SGCD: variants seen among roughly 807,000 people sequenced by gnomAD.
SGCD encodes sarcoglycan delta.
A neutral mutation model predicts 36.6 loss-of-function variants in SGCD; 18 were observed. That is an observed-to-expected ratio of 0.49 (90% CI 0.34 to 0.73). The LOEUF is 0.73. Ranked by LOEUF, SGCD falls within the 30% of genes least tolerant of loss-of-function variation. The pLI, the probability that SGCD is intolerant of heterozygous loss-of-function variation, is 0.01. For missense variants in SGCD, 387 were observed against 346.7 expected (o/e 1.12, Z -0.92); for synonymous variants, 133 against 130.6 (o/e 1.02, Z -0.12).
rs558073926 is a variant in SGCD at position 155,992,906 on chromosome 5, A to G, written c.-282+122482A>G. Among the ~76,000 whole-genome samples, 23 of 152,300 alleles carry G rather than the reference A, an allele frequency of 1.5e-4. No individual in the cohort carries two copies. The South Asian group carries it at 4.8e-3, about 32-fold the overall frequency. ...GGACTGCTCCTTCTATGGTTAGCAA[A>G]CATAGTGCCTCTTCCATATGCAAAC... On this transcript the variant is annotated intron_variant, in intron 1 of 9. Coordinates refer to the SGCD transcript ENST00000517913.
At chr5:156,632,799 C>T (rs566935417) in intron 6 of SGCD, among the ~76,000 whole-genome samples, 1 of 152,158 alleles carries the variant, frequency 6.6e-6, no homozygotes. Context: ...TACTATGGCA[C>T]GTGTACCTTT....
chr5:156,602,920 G>A (rs1241929706), intron 6 of SGCD, among the ~76,000 whole-genome samples: 1 of 152,078 alleles, frequency 6.6e-6, no homozygotes, highest in African/African-American at 2.4e-5. Flanking sequence ...TTGTATTCTT[G>A]TCTGGTTTTG....
chr5:156,087,640 CA>C (rs146938753), intron 1 of SGCD, among the ~76,000 whole-genome samples: 32,402 of 79,958 alleles, frequency 0.41, 3,215 homozygotes, highest in East Asian at 0.47. Context: ...AACTCCATCT[CA>C]AAAAAAAAAA....
chr5:155,975,251 A>G (rs183772883), intron 1 of SGCD, among the ~76,000 whole-genome samples: 117 of 152,270 alleles, frequency 7.7e-4, no homozygotes, highest in African/African-American at 2.7e-3. Flanking sequence ...TTGAAGGCCT[A>G]TTGGGGGCCT....
chr5:156,333,794 T>C (rs1768190220), intron 2 of SGCD, among the ~76,000 whole-genome samples: 1 of 118,964 alleles, frequency 8.4e-6, no homozygotes. Context: ...TTTTTTTTTT[T>C]TTTTTTTTTT....
At chr5:155,898,712 C>T (rs1189428924) in intron 1 of SGCD, among the ~76,000 whole-genome samples, 1 of 152,160 alleles carries the variant, frequency 6.6e-6, no homozygotes, top group Admixed American at 6.5e-5. Context: ...CCATGCCAGC[C>T]ATCCCCTCAG....
chr5:156,132,733 G>A (rs1426683007), intron 3 of SGCD, among the ~76,000 whole-genome samples: 1 of 152,006 alleles, frequency 6.6e-6, no homozygotes, highest in Non-Finnish European at 1.5e-5. Flanking sequence ...CTCCCAAAGT[G>A]CGGGGATTAC....
chr5:156,059,140 G>T (rs1760138028), intron 1 of SGCD, among the ~76,000 whole-genome samples: 1 of 144,838 alleles, frequency 6.9e-6, no homozygotes, highest in African/African-American at 2.5e-5. Flanking sequence ...TTTGATTTCT[G>T]GGAGTTTTTG....
intron 3 of SGCD, among the ~76,000 whole-genome samples, chr5:156,287,705 A>G (rs1581220241): frequency 6.6e-6 from 1 of 151,624 alleles, no homozygotes; most frequent in Non-Finnish European, 1.5e-5. Context: ...ATATATATTC[A>G]TCGATACACA....
intron 1 of SGCD, among the ~76,000 whole-genome samples, chr5:155,976,312 T>G (rs189295371): frequency 6.6e-6 from 1 of 152,274 alleles, no homozygotes; most frequent in East Asian, 1.9e-4. Context: ...GTTACATTAT[T>G]TGACATATTT....
At chr5:156,737,946 C>T (rs1756460045) in intron 7 of SGCD, among the ~76,000 whole-genome samples, 1 of 152,130 alleles carries the variant, frequency 6.6e-6, no homozygotes, top group Non-Finnish European at 1.5e-5. Context: ...TGCACTGCCC[C>T]ATAGGCTGAA....
intron 3 of SGCD, among the ~76,000 whole-genome samples, chr5:156,430,372 C>G (rs950354856): frequency 8.6e-5 from 13 of 151,474 alleles, no homozygotes; most frequent in Non-Finnish European, 1.8e-4. Context: ...GATTTTTTTT[C>G]TACTATTTTT....
upstream of SGCD, among the ~76,000 whole-genome samples, chr5:155,867,642 A>G (rs903244074): frequency 8.5e-5 from 13 of 152,154 alleles, no homozygotes; most frequent in African/African-American, 3.1e-4. Context: ...GAGAAAGAGG[A>G]ATGATTTAAG....
chr5:156,246,748 C>T (rs909396523), intron 3 of SGCD, among the ~76,000 whole-genome samples: 2 of 152,028 alleles, frequency 1.3e-5, no homozygotes, highest in Non-Finnish European at 2.9e-5. Flanking sequence ...TAGTGAAATG[C>T]CACTGTGTAA....
At chr5:156,435,415 A>G (rs1300530563) in intron 3 of SGCD, among the ~76,000 whole-genome samples, 2 of 152,228 alleles carry the variant, frequency 1.3e-5, no homozygotes, top group Non-Finnish European at 2.9e-5. Context: ...AGAGACATTC[A>G]TCTCAAAAGA....
At chr5:156,295,960 GA>G (rs1338050354) in intron 3 of SGCD, among the ~76,000 whole-genome samples, 2 of 152,288 alleles carry the variant, frequency 1.3e-5, no homozygotes, top group Admixed American at 1.3e-4. Context: ...GGGCCAGTGG[GA>G]AAAGGGAGCC....
Position 156,520,966 on chromosome 5 carries a change from G to A in SGCD, c.294+12264G>A, listed in dbSNP as rs532082692. Among the ~76,000 whole-genome samples, 11 of 140,896 alleles carry A rather than the reference G, an allele frequency of 7.8e-5. No homozygotes were observed. In the South Asian group the frequency reaches 9.5e-4, roughly 12 times the overall value. The allele number at this position is 140,896 out of a possible 152,430, so 92.4% of individuals were successfully genotyped here. ...TGGGAGGTGGATATTGCAGTGAGTC[G>A]AGATTGTGCCACTGCACACCAGCCT... On this transcript the variant is annotated intron_variant, in intron 4 of 8. Coordinates refer to ENST00000337851, the MANE Select transcript of SGCD (RefSeq NM_000337.6).
At chr5:155,870,674 T>C (rs1397251258) in intron 1 of SGCD, among the ~76,000 whole-genome samples, 1 of 152,166 alleles carries the variant, frequency 6.6e-6, no homozygotes, top group African/African-American at 2.4e-5. Flanking sequence ...GAATACCAAC[T>C]CTTTAGACTC....
chr5:155,988,875 C>T (rs1279625539), intron 1 of SGCD, among the ~76,000 whole-genome samples: 2 of 152,146 alleles, frequency 1.3e-5, no homozygotes, highest in East Asian at 3.8e-4. Context: ...TTAGCTGTTG[C>T]TTTTATTATA....
Sources: allele counts gnomAD v4.1 joint callset (sites outside exome capture counted in the v4.1 genomes callset), GRCh38; gene constraint gnomAD v4.1.1; transcripts MANE v1.5; gene names NCBI Gene and HGNC (gene_info 2026-07-23, HGNC 2026-07-21).